The following GSE1 variants were observed in gnomAD, a reference collection of about 807,000 sequenced individuals.
GSE1 encodes Gse1 coiled-coil protein.
A neutral mutation model predicts 112.6 loss-of-function variants in GSE1; 32 were observed. That is an observed-to-expected ratio of 0.28 (90% confidence interval 0.21 to 0.38). The LOEUF is 0.38. Among genes scored for constraint, GSE1 ranks in the 10% least tolerant of loss-of-function variants. The pLI is 1.00. For synonymous variants in GSE1, 1,115 were observed against 735.6 expected (o/e 1.52, Z -8.35); for missense variants, 2,348 against 1,699.2 (o/e 1.38, Z -6.71).
intron 1 of GSE1, among the ~76,000 whole-genome samples, chr16:85,220,290 G>T (rs932427286): frequency 6.6e-6 from 1 of 152,196 alleles, no homozygotes; most frequent in Non-Finnish European, 1.5e-5. Flanking sequence ...GCAGGCGGGG[G>T]TCTGGTTTCC....
intron 1 of GSE1, among the ~76,000 whole-genome samples, chr16:85,290,295 C>A (rs1005272858): frequency 6.6e-6 from 1 of 152,230 alleles, no homozygotes; most frequent in Non-Finnish European, 1.5e-5. Flanking sequence ...CTTCTCATCA[C>A]AAGGCCATGT....
At chr16:85,641,489 A>G (rs1598517349) in intron 2 of GSE1, among the ~76,000 whole-genome samples, 1 of 148,848 alleles carries the variant, frequency 6.7e-6, no homozygotes, top group East Asian at 1.9e-4. Flanking sequence ...GCGGGTCGGG[A>G]GAGCCCTGCC....
chr16:85,613,299 G>A (rs545420284), upstream of GSE1: 18 of 1,540,438 alleles, frequency 1.2e-5, no homozygotes, highest in South Asian at 2.4e-5. Flanking sequence ...TGCCGCCGCC[G>A]AGCAGCCCCG....
rs1008259479 is a variant in GSE1 at position 85,311,126 on chromosome 16, G to A, written c.2284-46337G>A. Among the ~76,000 whole-genome samples, 5 of 152,208 alleles carry A rather than the reference G, an allele frequency of 3.3e-5. No individual in the cohort carries two copies. The highest frequency in any genetic ancestry group is 1.2e-4 in the African/African-American group (5 of 41,470). On this transcript the variant is annotated intron_variant, in intron 1 of 2. Transcript: ENST00000637419. The surrounding 1 kb of genome is among the most constrained non-coding windows in gnomAD (Gnocchi z 4.2). ...AGCCGTGGAGGACGGCAGAGGGGAGGGCAGCCTGCTCCGTGGGCTGGTCCC... is the reference window on the plus strand; with the variant it reads ...AGCCGTGGAGGACGGCAGAGGGGAGAGCAGCCTGCTCCGTGGGCTGGTCCC...
intron 2 of GSE1, among the ~76,000 whole-genome samples, chr16:85,408,541 T>C (rs1219155087): frequency 2.4e-5 from 1 of 41,108 alleles, no homozygotes; most frequent in Admixed American, 1.9e-4. Flanking sequence ...TCCTCACTGT[T>C]ACACTCAGGG....
At chr16:85,303,377 A>C (rs1308964250) in intron 1 of GSE1, among the ~76,000 whole-genome samples, 2 of 152,198 alleles carry the variant, frequency 1.3e-5, no homozygotes, top group African/African-American at 4.8e-5. Context: ...AGATGTTTCC[A>C]GAAAGGAGGT....
At chr16:85,642,186 C>A (rs2050501014) in intron 2 of GSE1, among the ~76,000 whole-genome samples, 1 of 152,242 alleles carries the variant, frequency 6.6e-6, no homozygotes, top group African/African-American at 2.4e-5. Context: ...ATGCTGCATG[C>A]CTATAGTCCC....
chr16:85,614,456 G>A (rs1040737753), intron 1 of GSE1, among the ~76,000 whole-genome samples: 6 of 152,340 alleles, frequency 3.9e-5, no homozygotes, highest in African/African-American at 1.4e-4. Context: ...GGGGACCAGG[G>A]GGGCACTTAG....
At chr16:85,534,446 G>A (rs1259610180) in intron 2 of GSE1, among the ~76,000 whole-genome samples, 1 of 152,060 alleles carries the variant, frequency 6.6e-6, no homozygotes, top group Non-Finnish European at 1.5e-5. Context: ...AAACATTATG[G>A]TAAAATATAC....
At chr16:85,462,529 G>A (rs1382041580) in intron 2 of GSE1, among the ~76,000 whole-genome samples, 2 of 152,164 alleles carry the variant, frequency 1.3e-5, no homozygotes, top group East Asian at 3.9e-4. Flanking sequence ...TAGAGGCTTT[G>A]GTTCTGCAAA....
At chr16:85,653,444 C>A (rs1051535532) in intron 3 of GSE1, among the ~76,000 whole-genome samples, 1 of 150,216 alleles carries the variant, frequency 6.7e-6, no homozygotes, top group East Asian at 2.0e-4. Context: ...ACGGCCTATC[C>A]TTGAACTTGG....
In GSE1 at chr16:85,525,172, A is replaced by C. The variant is rs568359048; in HGVS notation, c.2465-108742A>C. 6.6e-5 allele frequency among the ~76,000 whole-genome samples: 10 copies of C among 152,058 alleles called. No individual in the cohort carries two copies. The South Asian group carries it at 1.5e-3, about 22-fold the overall frequency. On this transcript the variant is annotated intron_variant, in intron 2 of 2. Coordinates refer to the GSE1 transcript ENST00000637419. ...GGGGTAACTGGCCCCTGGCCGGCCC[A>C]GTGGTTTCATCAGCCGGGGAGGGCA... is the stretch of plus-strand genomic sequence containing the variant.
intron 2 of GSE1, among the ~76,000 whole-genome samples, chr16:85,646,238 A>G (rs1483320146): frequency 1.3e-5 from 2 of 152,104 alleles, no homozygotes; most frequent in Non-Finnish European, 2.9e-5. Context: ...CACGCATTCT[A>G]CCTGCTTCTA....
rs768848700 is a variant in GSE1 at position 85,668,453 on chromosome 16, G to A, written c.3415+29G>A. 3.5e-6 allele frequency: 5 copies of A among 1,438,022 alleles called. No individual in the cohort carries two copies. The African/African-American group carries it at 5.6e-5, about 16-fold the overall frequency. The allele number at this position is 1,438,022 out of a possible 1,614,324, so 89.1% of individuals were successfully genotyped here. A position where few individuals can be genotyped will look rare whatever the true frequency, so the allele number is the denominator to read the frequency against. On this transcript the variant is annotated intron_variant, in intron 14 of 15. Coordinates refer to ENST00000253458, the MANE Select transcript of GSE1 (RefSeq NM_014615.5). ...AGGGGGTGCTGGGGAAGAGGGGGGAGGGGGTCAGGAAAGTACCTTTGGAAA... is the reference window on the plus strand; with the variant it reads ...AGGGGGTGCTGGGGAAGAGGGGGGAAGGGGTCAGGAAAGTACCTTTGGAAA...
chr16:85,450,892 C>G (rs1392428241), intron 2 of GSE1, among the ~76,000 whole-genome samples: 1 of 151,866 alleles, frequency 6.6e-6, no homozygotes, highest in Non-Finnish European at 1.5e-5. Context: ...GAAACCATCC[C>G]CCTGCCCCCT....
intron 1 of GSE1, among the ~76,000 whole-genome samples, chr16:85,602,516 G>C (rs570413574): frequency 6.6e-6 from 1 of 152,020 alleles, no homozygotes; most frequent in Non-Finnish European, 1.5e-5. Context: ...TGACCTTGCC[G>C]GATCCCTGCC....
At chr16:85,539,649 G>C (rs1389242640) in intron 2 of GSE1, among the ~76,000 whole-genome samples, 2 of 152,174 alleles carry the variant, frequency 1.3e-5, no homozygotes, top group African/African-American at 4.8e-5. Context: ...GGCTGGGTTT[G>C]TTTTTTCATT....
chr16:85,387,502 C>A (rs2151635542), intron 2 of GSE1, among the ~76,000 whole-genome samples: 1 of 152,374 alleles, frequency 6.6e-6, no homozygotes, highest in Non-Finnish European at 1.5e-5. Flanking sequence ...TTCTTCCCAG[C>A]CTTCAGGCCT....
intron 1 of GSE1, among the ~76,000 whole-genome samples, chr16:85,212,877 C>T (rs2075248881): frequency 6.6e-6 from 1 of 152,164 alleles, no homozygotes; most frequent in Admixed American, 6.5e-5. Flanking sequence ...CCTGTAATCC[C>T]AGCACTTTGG....
Sources: allele counts gnomAD v4.1 joint callset (sites outside exome capture counted in the v4.1 genomes callset), GRCh38; gene constraint gnomAD v4.1.1; non-coding constraint Gnocchi (gnomAD v3.1); transcripts MANE v1.5; gene names NCBI Gene and HGNC (gene_info 2026-07-23, HGNC 2026-07-21).